The following CLCN3 variants were observed in gnomAD, a reference collection of about 807,000 sequenced individuals.
CLCN3 encodes Cl-/H+ antiporter 3, also known as H(+)/Cl(-) exchange transporter 3.
In CLCN3, 16 loss-of-function variants were observed where a neutral mutation model predicts 83.4. That is an observed-to-expected ratio of 0.19 (90% CI 0.13 to 0.29). The LOEUF (loss-of-function observed/expected upper bound fraction) is 0.29. Ranked by LOEUF, CLCN3 falls within the 10% of genes least tolerant of loss-of-function variation. CLCN3 has a pLI of 1.00. For missense variants in CLCN3, 544 were observed against 1,006.0 expected (o/e 0.54, Z 6.21); for synonymous variants, 322 against 346.2 (o/e 0.93, Z 0.78).
At chr4:169,639,465 A>T (rs1560830691) in intron 2 of CLCN3, among the ~76,000 whole-genome samples, 1 of 152,226 alleles carries the variant, frequency 6.6e-6, no homozygotes, top group Admixed American at 6.5e-5. Context: ...CATGTCACCA[A>T]AAAAAGATAT....
chr4:169,693,989 A>T (rs1210766141), intron 7 of CLCN3, among the ~76,000 whole-genome samples: 2 of 152,166 alleles, frequency 1.3e-5, no homozygotes, highest in African/African-American at 2.4e-5. Context: ...TTAGATACGT[A>T]TGAAATGGAT....
At chr4:169,694,853 G>A (rs1732505716) in intron 7 of CLCN3, among the ~76,000 whole-genome samples, 1 of 152,016 alleles carries the variant, frequency 6.6e-6, no homozygotes. Flanking sequence ...AAAAATAAAG[G>A]AATACAGACT....
intron 11 of CLCN3, among the ~76,000 whole-genome samples, chr4:169,711,663 A>T (rs1204787957): frequency 6.6e-6 from 1 of 151,896 alleles, no homozygotes; most frequent in African/African-American, 2.4e-5. Context: ...TCATGCTTTT[A>T]AGGTGGTTGA....
intron 1 of CLCN3, among the ~76,000 whole-genome samples, chr4:169,632,580 A>G (rs1773401787): frequency 6.6e-6 from 1 of 151,806 alleles, no homozygotes; most frequent in Non-Finnish European, 1.5e-5. Context: ...AGCCGGGCGC[A>G]GTGGCGGGCG....
chr4:169,710,778 G>A (rs1309016133), intron 11 of CLCN3, among the ~76,000 whole-genome samples: 1 of 152,078 alleles, frequency 6.6e-6, no homozygotes, highest in Non-Finnish European at 1.5e-5. Context: ...ATTGGGGTTA[G>A]TTTTAATTCA....
At chr4:169,630,570 G>A (rs532558018) in intron 1 of CLCN3, among the ~76,000 whole-genome samples, 116 of 150,952 alleles carry the variant, frequency 7.7e-4, no homozygotes, top group African/African-American at 2.4e-3. Flanking sequence ...TTGTTCTGTC[G>A]CCCAGGCTGG....
intron 7 of CLCN3, among the ~76,000 whole-genome samples, chr4:169,692,768 G>A (rs542401158): frequency 6.6e-6 from 1 of 152,244 alleles, no homozygotes; most frequent in African/African-American, 2.4e-5. Flanking sequence ...CAGTGCTATG[G>A]GGAAGTTCTG....
chr4:169,673,154 T>C lies in CLCN3; in HGVS notation c.161-6896T>C, dbSNP rs1731544249. Among the ~76,000 whole-genome samples the C allele has an allele frequency of 2.0e-5, 3 of 152,246 alleles. No homozygotes were observed. The South Asian group carries it at 6.2e-4, about 31-fold the overall frequency. ...ATTTTCCTTTTCTTCTCCTTCTTTA[T>C]ACTATTCAGATTTGCATGTTTGACA... On this transcript the variant is annotated intron_variant, in intron 2 of 12. Transcript: ENST00000513761.
chr4:169,713,352 T>C, intron 12 of CLCN3, 57 bp downstream of exon 12: 2 of 1,359,780 alleles, frequency 1.5e-6, no homozygotes, highest in Non-Finnish European at 2.1e-6. Context: ...TCCTTTTTAG[T>C]GGAATCTATA....
intron 2 of CLCN3, among the ~76,000 whole-genome samples, chr4:169,639,197 T>C (rs940785746): frequency 1.3e-5 from 2 of 152,146 alleles, no homozygotes; most frequent in Non-Finnish European, 2.9e-5. Context: ...ACCCAGCTAA[T>C]TTTTTAAAAT....
intron 2 of CLCN3, among the ~76,000 whole-genome samples, chr4:169,669,606 A>G (rs1731381767): frequency 1.3e-5 from 2 of 152,250 alleles, no homozygotes; most frequent in Admixed American, 6.5e-5. Flanking sequence ...GGAAGTATGA[A>G]TAAAAAAATC....
intron 2 of CLCN3, chr4:169,642,626 C>G (rs1730448737): frequency 6.6e-6 from 1 of 152,454 alleles, no homozygotes. Flanking sequence ...TCAAGCCATC[C>G]TCCCACCTCA....
chr4:169,652,859 T>A (rs1330692020), intron 2 of CLCN3, among the ~76,000 whole-genome samples: 2 of 152,236 alleles, frequency 1.3e-5, no homozygotes, highest in Non-Finnish European at 2.9e-5. Flanking sequence ...GTCAAAGAGA[T>A]GTAGCATCTT....
chr4:169,689,039 A>G lies in CLCN3; in HGVS notation c.419-4A>G. On this transcript the variant is annotated splice_polypyrimidine_tract_variant and splice_region_variant and intron_variant, in intron 4 of 12. Transcript: ENST00000513761. ...TTTTTACCATCTCCAACATGTTTTT[A>G]TAGGGGCACTGGCCGGATTAATAGA... 4 of 1,603,516 alleles carry G rather than the reference A, an allele frequency of 2.5e-6. No individual in the cohort carries two copies. The highest frequency in any genetic ancestry group is 1.3e-5 in the African/African-American group (1 of 74,564).
At chr4:169,678,848 C>T (rs1731787276) in intron 2 of CLCN3, among the ~76,000 whole-genome samples, 1 of 152,236 alleles carries the variant, frequency 6.6e-6, no homozygotes, top group Non-Finnish European at 1.5e-5. Flanking sequence ...AATCTGATCT[C>T]TCTTTTCCCC....
chr4:169,697,432 A>G lies in CLCN3; in HGVS notation c.1261A>G (p.Thr421Ala). 6.2e-7 allele frequency: 1 copy of G among 1,614,172 alleles called. No homozygotes were observed. The highest frequency in any genetic ancestry group is 1.3e-5 in the African/African-American group (1 of 75,054). The change falls in exon 9 of 13, where the codon ACG becomes GCG. Residue 421 changes from threonine to alanine, a missense_variant. Thr to Ala is a moderately conservative substitution (Grantham distance 58). This residue lies in a region of CLCN3 where 194 missense variants were observed against 341.4 expected (regional missense o/e 0.57). Coordinates refer to ENST00000513761, the MANE Select transcript of CLCN3 (RefSeq NM_001829.4). ...NIAWCRRRKS[T>A]KFGKYPVLEV... ...TGCCTGGTGTCGTCGACGCAAGTCCACGAAATTTGGAAAGTATCCCGTTCT... is the reference window on the plus strand; with the variant it reads ...TGCCTGGTGTCGTCGACGCAAGTCCGCGAAATTTGGAAAGTATCCCGTTCT...
chr4:169,699,610 G>A (rs1732696623), intron 9 of CLCN3, among the ~76,000 whole-genome samples: 1 of 152,116 alleles, frequency 6.6e-6, no homozygotes. Context: ...CTGGCCAGGC[G>A]CAGTGGCTCA....
intron 9 of CLCN3, 66 bp downstream of exon 9, chr4:169,697,800 G>T: frequency 9.6e-7 from 1 of 1,037,956 alleles, no homozygotes; most frequent in East Asian, 2.4e-5. Context: ...TGTGGAATGA[G>T]AGAGGTTGTT....
At chr4:169,694,812 CT>C (rs1732503310) in intron 7 of CLCN3, among the ~76,000 whole-genome samples, 1 of 152,056 alleles carries the variant, frequency 6.6e-6, no homozygotes, top group Non-Finnish European at 1.5e-5. Flanking sequence ...GCACTCCAGC[CT>C]GAGAAACAAG....
Sources: allele counts gnomAD v4.1 joint callset (sites outside exome capture counted in the v4.1 genomes callset), GRCh38; gene constraint gnomAD v4.1.1; regional missense constraint gnomAD v4.1.1; transcripts MANE v1.5; gene names NCBI Gene and HGNC (gene_info 2026-07-23, HGNC 2026-07-21).